Variants in GRIP1 observed in about 807,000 individuals in gnomAD.
The protein encoded by GRIP1 is glutamate receptor interacting protein 1.
Under a neutral mutation model 129.9 loss-of-function variants are expected in GRIP1, and 45 were observed. The observed-to-expected ratio is 0.35, with a 90% CI of 0.27 to 0.44. The LOEUF is 0.44. Ranked by LOEUF, GRIP1 falls within the 20% of genes least tolerant of loss-of-function variation. The pLI is 1.00. For missense variants in GRIP1, 1,196 were observed against 1,396.8 expected, an observed-to-expected ratio of 0.86 and a Z score of 2.29; for synonymous variants, 530 against 520.8, an observed-to-expected ratio of 1.02 and a Z score of -0.24.
At chr12:66,993,840 T>C (rs2042429457) in intron 1 of GRIP1, among the ~76,000 whole-genome samples, 1 of 148,870 alleles carries the variant, frequency 6.7e-6, no homozygotes, top group Non-Finnish European at 1.5e-5. Flanking sequence ...TTTCTACCAA[T>C]CTTACAGAAA....
intron 19 of GRIP1, among the ~76,000 whole-genome samples, chr12:66,389,617 T>C (rs1288901631): frequency 6.6e-6 from 1 of 152,026 alleles, no homozygotes; most frequent in Non-Finnish European, 1.5e-5. Flanking sequence ...AAAAAACACA[T>C]TCACAAGACT....
chr12:66,372,338 C>T lies in GRIP1; in HGVS notation c.2779-411G>A, dbSNP rs1338360872. 13 of 284,434 alleles carry T rather than the reference C, an allele frequency of 4.6e-5. No individual in the cohort carries two copies. In the East Asian group the frequency reaches 7.3e-4, roughly 16 times the overall value. 17.6% of individuals were successfully genotyped at this position (284,434 alleles called of 1,614,324 possible). On this transcript the variant is annotated intron_variant, in intron 22 of 24. Transcript: ENST00000359742. Reference sequence around the variant, plus strand: ...AACGAATTAAGAACTTCTCAATGGACACCAGGCTGCCTGTACTTGCAATGC... The same window carrying T: ...AACGAATTAAGAACTTCTCAATGGATACCAGGCTGCCTGTACTTGCAATGC...
At chr12:66,915,501 G>A (rs1375498096) in intron 1 of GRIP1, among the ~76,000 whole-genome samples, 1 of 152,144 alleles carries the variant, frequency 6.6e-6, no homozygotes, top group Non-Finnish European at 1.5e-5. Flanking sequence ...AAACAGGGTG[G>A]AATCACACAG....
chr12:66,917,479 C>T (rs2041143328), intron 1 of GRIP1, among the ~76,000 whole-genome samples: 1 of 152,136 alleles, frequency 6.6e-6, no homozygotes, highest in Non-Finnish European at 1.5e-5. Flanking sequence ...AAAACTATGC[C>T]ACAATGTGTA....
At chr12:66,763,696 A>T (rs2037540811) in intron 1 of GRIP1, among the ~76,000 whole-genome samples, 2 of 152,178 alleles carry the variant, frequency 1.3e-5, no homozygotes, top group Admixed American at 1.3e-4. Context: ...AATGTCACCA[A>T]AGCACATGTC....
At position 66,936,123 on chromosome 12, in the gene GRIP1, C is replaced by T. The variant is rs149122527; in HGVS notation, c.58+132927G>A. 2.0e-3 allele frequency among the ~76,000 whole-genome samples: 304 copies of T among 152,132 alleles called. 1 individual carries two copies. The highest frequency in any genetic ancestry group is 7.1e-3 in the African/African-American group (293 of 41,518). ...TGCCCAGGGGGCAGTGTGTCCTGAT[C>T]CTAAAGGGAGAATAAGCTGAGCCCC... is the stretch of plus-strand genomic sequence containing the variant. On this transcript the variant is annotated intron_variant, in intron 1 of 1. Transcript: ENST00000643019.
chr12:66,766,703 C>T (rs2037652055), intron 1 of GRIP1, among the ~76,000 whole-genome samples: 1 of 152,164 alleles, frequency 6.6e-6, no homozygotes, highest in African/African-American at 2.4e-5. Flanking sequence ...CGAGCAAAAC[C>T]TTGACTTAAA....
At chr12:67,037,043 A>G (rs2043106205) in intron 1 of GRIP1, among the ~76,000 whole-genome samples, 1 of 152,080 alleles carries the variant, frequency 6.6e-6, no homozygotes, top group African/African-American at 2.4e-5. Flanking sequence ...TAAAAATATA[A>G]TACTCAGGCC....
intron 1 of GRIP1, among the ~76,000 whole-genome samples, chr12:66,793,678 A>G (rs2038612330): frequency 6.6e-6 from 1 of 152,138 alleles, no homozygotes. Flanking sequence ...ACGAGGATGG[A>G]GGCTGCCATC....
chr12:66,459,392 T>A (rs180755857), intron 9 of GRIP1, among the ~76,000 whole-genome samples: 77 of 152,292 alleles, frequency 5.1e-4, no homozygotes, highest in Middle Eastern at 3.4e-3. Flanking sequence ...ACCGACACTT[T>A]AGCGTACTTT....
chr12:66,484,865 A>C (rs1035028369), intron 7 of GRIP1, among the ~76,000 whole-genome samples: 6 of 152,198 alleles, frequency 3.9e-5, no homozygotes, highest in South Asian at 2.1e-4. Flanking sequence ...TAAATGTTTG[A>C]GGTGATGGAT....
intron 1 of GRIP1, among the ~76,000 whole-genome samples, chr12:66,924,251 T>C (rs906915305): frequency 2.0e-5 from 3 of 152,238 alleles, no homozygotes; most frequent in Non-Finnish European, 4.4e-5. Context: ...TATTTAAGTC[T>C]ATATCATCAT....
intron 7 of GRIP1, among the ~76,000 whole-genome samples, chr12:66,479,598 C>T (rs2059737239): frequency 6.6e-6 from 1 of 152,130 alleles, no homozygotes; most frequent in Non-Finnish European, 1.5e-5. Flanking sequence ...GATACCAAAG[C>T]CTGGCAGAGA....
At chr12:66,651,681 T>C (rs191602430) in intron 1 of GRIP1, among the ~76,000 whole-genome samples, 13 of 152,268 alleles carry the variant, frequency 8.5e-5, no homozygotes, top group Admixed American at 6.5e-4. Flanking sequence ...TGGCAACATG[T>C]TAAGTAGAAT....
chr12:66,694,745 C>G (rs898959387), intron 1 of GRIP1, among the ~76,000 whole-genome samples: 2 of 152,154 alleles, frequency 1.3e-5, no homozygotes, highest in Admixed American at 6.5e-5. Flanking sequence ...ACACTGACAT[C>G]CTGGTTTTCT....
intron 1 of GRIP1, among the ~76,000 whole-genome samples, chr12:66,943,523 T>C (rs2041620655): frequency 6.6e-6 from 1 of 152,254 alleles, no homozygotes; most frequent in Non-Finnish European, 1.5e-5. Context: ...TACAGTTTCA[T>C]GTTTCTCTTT....
At chr12:66,716,481 T>C (rs2035890802) in intron 1 of GRIP1, among the ~76,000 whole-genome samples, 1 of 151,480 alleles carries the variant, frequency 6.6e-6, no homozygotes. Flanking sequence ...AAACTGTTAC[T>C]TTAGGTTTCT....
Position 66,392,499 on chromosome 12 carries a change from T to C in GRIP1, c.2273A>G (p.Gln758Arg). ...TLKIKKQTDA[Q>R]SASSPKKFPI... The stretch of plus-strand genomic sequence containing the variant: ...GAACTTCTTGGGGCTCGATGCTGAC[T>C]GGGCTTTATAGACAGGAAAGGAGTT... The change falls in exon 19 of 25, where the codon CAG becomes CGG. Residue 758 changes from glutamine to arginine, a missense_variant. This residue lies in a region of GRIP1 where 427 missense variants were observed against 463.3 expected (regional missense o/e 0.92). Transcript: ENST00000359742. The C allele has an allele frequency of 6.2e-7, 1 of 1,613,858 alleles. No individual in the cohort carries two copies. The highest frequency in any genetic ancestry group is 1.3e-5 in the African/African-American group (1 of 75,062).
chr12:66,456,254 C>CAGG lies in GRIP1; in HGVS notation c.1130_1131insCCT (p.Thr377_Tyr378insLeu). On this transcript the variant is annotated inframe_insertion, in exon 10 of 25. Transcript: ENST00000359742. The stretch of plus-strand genomic sequence containing the variant: ...GTACTCTGCAATGGTCAGGGTGGTA[C>CAGG]GTGTTATAGTGATGGTTGGTGTGAA... 5 of 1,289,256 alleles carry CAGG rather than the reference C, an allele frequency of 3.9e-6. No individual in the cohort carries two copies. Among genetic ancestry groups the CAGG allele is most frequent in the Non-Finnish European group, 5.1e-6 (5 of 988,198 alleles). The allele number at this position is 1,289,256 out of a possible 1,614,324, so 79.9% of individuals were successfully genotyped here. A position where few individuals can be genotyped will look rare whatever the true frequency, so the allele number is the denominator to read the frequency against.
Sources: allele counts gnomAD v4.1 joint callset (sites outside exome capture counted in the v4.1 genomes callset), GRCh38; gene constraint gnomAD v4.1.1; regional missense constraint gnomAD v4.1.1; transcripts MANE v1.5; gene names NCBI Gene and HGNC (gene_info 2026-07-23, HGNC 2026-07-21).